Variants in HAT1 observed in about 807,000 individuals in gnomAD.
HAT1 encodes histone acetyltransferase type B catalytic subunit.
Under a neutral mutation model 56.6 loss-of-function variants are expected in HAT1, and 20 were observed. That is an observed-to-expected ratio of 0.35 (90% CI 0.25 to 0.51). The LOEUF (loss-of-function observed/expected upper bound fraction) is 0.51, where lower values mean the gene tolerates loss of function less well. Among genes scored for constraint, HAT1 ranks in the 20% least tolerant of loss-of-function variants. The pLI is 0.95. For missense variants in HAT1, 408 were observed against 504.3 expected, an observed-to-expected ratio of 0.81 and a Z score of 1.83; for synonymous variants, 146 against 165.5, an observed-to-expected ratio of 0.88 and a Z score of 0.91.
rs140950628 is a variant in HAT1, at chr2:171,965,442, A to T, written c.414A>T (p.Pro138=). 6.2e-7 allele frequency: 1 copy of T among 1,611,758 alleles called. No individual in the cohort carries two copies. Among genetic ancestry groups the T allele is most frequent in the East Asian group, 2.2e-5 (1 of 44,836 alleles). ...SLLEKEVDFK[P]FGTLLHTYSV... ...TGGAAAAGGAAGTTGATTTCAAGCC[A>T]TTCGGAACCTTACTTCATACCTACT... The change falls in exon 5 of 11, where the codon CCA becomes CCT. Residue 138 remains proline, a synonymous_variant. Transcript: ENST00000264108.
intron 2 of HAT1, among the ~76,000 whole-genome samples, chr2:171,936,711 G>A (rs1279828099): frequency 6.6e-6 from 1 of 151,972 alleles, no homozygotes; most frequent in Admixed American, 6.6e-5. Flanking sequence ...AGCACACTGG[G>A]GCCACTCTTG....
intron 8 of HAT1, among the ~76,000 whole-genome samples, chr2:171,971,200 AAAC>A (rs1687809174): frequency 2.0e-5 from 3 of 152,216 alleles, no homozygotes; most frequent in Non-Finnish European, 4.4e-5. Flanking sequence ...TCCGTCTCAC[AAAC>A]AAACAAACAA....
intron 1 of HAT1, chr2:171,923,310 A>G (rs918326130): frequency 4.6e-5 from 7 of 152,210 alleles, no homozygotes; most frequent in African/African-American, 1.4e-4. Flanking sequence ...TCTGTCGCCC[A>G]GGCTGGAGTG....
At chr2:171,938,525 C>CCAT (rs1686934943) in intron 2 of HAT1, among the ~76,000 whole-genome samples, 1 of 152,128 alleles carries the variant, frequency 6.6e-6, no homozygotes, top group African/African-American at 2.4e-5. Flanking sequence ...CTAGACAGTT[C>CCAT]CATCTGGGGG....
At chr2:171,974,207 GAAA>G (rs202160940) in intron 8 of HAT1, among the ~76,000 whole-genome samples, 992 of 70,442 alleles carry the variant, frequency 0.014, 10 homozygotes, top group African/African-American at 0.029. Flanking sequence ...AAAAGAAAAA[GAAA>G]AAAAAAAAAA....
intron 3 of HAT1, among the ~76,000 whole-genome samples, chr2:171,947,974 T>TA (rs1308645048): frequency 1.3e-5 from 2 of 152,144 alleles, no homozygotes; most frequent in Admixed American, 6.6e-5. Context: ...GTTACTTTTT[T>TA]AAAAAAAACT....
intron 3 of HAT1, among the ~76,000 whole-genome samples, chr2:171,947,554 C>G (rs1485663289): frequency 6.6e-6 from 1 of 152,128 alleles, no homozygotes; most frequent in Non-Finnish European, 1.5e-5. Context: ...CTGTACCTGC[C>G]CTGAAGTTTA....
chr2:171,976,106 T>G, intron 8 of HAT1, 51 bp from the exon 9 acceptor site: 1 of 1,198,304 alleles, frequency 8.3e-7, no homozygotes, highest in South Asian at 2.2e-5. Context: ...GATGAAGAAA[T>G]TATATTGAGT....
chr2:171,945,619 A>G (rs1422098984), intron 2 of HAT1, among the ~76,000 whole-genome samples: 1 of 151,608 alleles, frequency 6.6e-6, no homozygotes, highest in African/African-American at 2.4e-5. Context: ...TCAGCCCTCT[A>G]AGTAGCTGGG....
chr2:171,965,199 C>T, intron 4 of HAT1, 139 bp from the exon 5 acceptor site: 1 of 589,046 alleles, frequency 1.7e-6, no homozygotes, highest in Non-Finnish European at 3.0e-6. Flanking sequence ...CATCCTTTTC[C>T]AATTCGCTGT....
intron 4 of HAT1, among the ~76,000 whole-genome samples, chr2:171,959,195 T>C (rs759976504): frequency 1.3e-5 from 2 of 152,246 alleles, no homozygotes; most frequent in Admixed American, 1.3e-4. Context: ...TAAACTAGCA[T>C]TTAACACATT....
At position 171,926,294 on chromosome 2, in the gene HAT1, T is replaced by TA. The variant is rs543396036; in HGVS notation, c.112+659dup. Among the ~76,000 whole-genome samples, 648 of 152,180 alleles carry TA rather than the reference T, an allele frequency of 4.3e-3. 2 individuals carry two copies. Among genetic ancestry groups the TA allele is most frequent in the African/African-American group, 0.015 (618 of 41,522 alleles). ...ACCACCCAAGCCTGGCTAATTTTTA[T>TA]AAAAAATTTTTTTTTTGAGACGGAG... On this transcript the variant is annotated intron_variant, in intron 2 of 10. Transcript: ENST00000264108.
intron 2 of HAT1, among the ~76,000 whole-genome samples, chr2:171,927,711 C>T (rs998532620): frequency 1.3e-5 from 2 of 152,122 alleles, no homozygotes; most frequent in Non-Finnish European, 2.9e-5. Flanking sequence ...CCTCAGCCTC[C>T]GTAGTAGCTG....
intron 2 of HAT1, among the ~76,000 whole-genome samples, chr2:171,938,381 CG>C (rs1686931430): frequency 6.6e-6 from 1 of 152,030 alleles, no homozygotes; most frequent in Non-Finnish European, 1.5e-5. Flanking sequence ...GGGAGGTTTG[CG>C]GGGAATGGTT....
At chr2:171,963,013 A>G (rs757481068) in intron 4 of HAT1, among the ~76,000 whole-genome samples, 1 of 151,786 alleles carries the variant, frequency 6.6e-6, no homozygotes, top group Non-Finnish European at 1.5e-5. Context: ...TAAATTATAT[A>G]TTTGAGAAAA....
chr2:171,930,964 A>T (rs766153779), intron 2 of HAT1, among the ~76,000 whole-genome samples: 9 of 151,994 alleles, frequency 5.9e-5, no homozygotes, highest in Non-Finnish European at 1.3e-4. Context: ...CCTGCACACA[A>T]ACATTACCTG....
At chr2:171,978,037 T>G (rs1052982452) in intron 9 of HAT1, among the ~76,000 whole-genome samples, 1 of 151,156 alleles carries the variant, frequency 6.6e-6, no homozygotes, top group Non-Finnish European at 1.5e-5. Flanking sequence ...CTTGATACCA[T>G]TTGTCTTTTT....
chr2:171,968,567 G>A lies in HAT1; in HGVS notation c.823+1618G>A, dbSNP rs181982540. Among the ~76,000 whole-genome samples the A allele has an allele frequency of 1.6e-3, 249 of 152,188 alleles. 1 individual carries two copies. Among genetic ancestry groups the A allele is most frequent in the Non-Finnish European group, 2.8e-3 (189 of 67,974 alleles). On this transcript the variant is annotated intron_variant, in intron 8 of 10. Coordinates refer to ENST00000264108, the MANE Select transcript of HAT1 (RefSeq NM_003642.4). ...CAATAATGGTAGCCTTTATTCATTGGTGTTATTCATTAGAAACTGAAGTCT... is the reference window on the plus strand; with the variant it reads ...CAATAATGGTAGCCTTTATTCATTGATGTTATTCATTAGAAACTGAAGTCT...
chr2:171,979,530 G>A (rs930900619), intron 10 of HAT1, 167 bp downstream of exon 10: 18 of 512,606 alleles, frequency 3.5e-5, no homozygotes, highest in Admixed American at 6.6e-5. Flanking sequence ...ACTCATGGCC[G>A]GGCGTGGTGG....
Sources: allele counts gnomAD v4.1 joint callset (sites outside exome capture counted in the v4.1 genomes callset), GRCh38; gene constraint gnomAD v4.1.1; transcripts MANE v1.5; gene names NCBI Gene and HGNC (gene_info 2026-07-23, HGNC 2026-07-21).